The following MROH2B variants were observed in gnomAD, a reference collection of about 807,000 sequenced individuals.
The protein encoded by MROH2B is maestro heat-like repeat-containing protein family member 2B.
A neutral mutation model predicts 208.6 loss-of-function variants in MROH2B; 177 were observed. The observed-to-expected ratio is 0.85, with a 90% CI of 0.75 to 0.96. The LOEUF is 0.96. MROH2B is among the 40% of genes least tolerant of loss of function. MROH2B has a pLI of 0.00. For synonymous variants in MROH2B, 728 were observed against 659.0 expected, an observed-to-expected ratio of 1.10 and a Z score of -1.60; for missense variants, 2,002 against 1,878.7, an observed-to-expected ratio of 1.07 and a Z score of -1.21.
rs374943055 is a variant in MROH2B at position 41,050,024 on chromosome 5, T to C, written c.1345-588A>G. On this transcript the variant is annotated intron_variant, in intron 13 of 41. Transcript: ENST00000399564. ...ACTCTTCTCTCTTCTTTGTCATCTA[T>C]ATTTAATCACCAGACTCAGTCCTTT... 1.9e-4 allele frequency among the ~76,000 whole-genome samples: 29 copies of C among 152,332 alleles called. No individual in the cohort carries two copies. The South Asian group carries it at 5.8e-3, about 30-fold the overall frequency.
At position 41,004,851 on chromosome 5, in the gene MROH2B, C is replaced by T. The variant is rs778947291; in HGVS notation, c.3934G>A (p.Ala1312Thr). The T allele has an allele frequency of 2.5e-6, 4 of 1,614,006 alleles. No homozygotes were observed. The highest frequency in any genetic ancestry group is 3.4e-6 in the Non-Finnish European group (4 of 1,179,876). ...RNVLILMDQS[A>T]WDSNATLRQM... Reference sequence around the variant, plus strand: ...CTCAGAGTGGCGTTGGAGTCCCAGGCACTTTGATCCATCAAGATCAGCACA... The same window carrying T: ...CTCAGAGTGGCGTTGGAGTCCCAGGTACTTTGATCCATCAAGATCAGCACA... The change falls in exon 36 of 42, where the codon GCC (alanine) becomes ACC (threonine). Residue 1312 changes from alanine (A) to threonine (T), a missense_variant. Coordinates refer to ENST00000399564, the MANE Select transcript of MROH2B (RefSeq NM_173489.5).
Position 41,049,129 on chromosome 5 carries a change from G to T in MROH2B, c.1514C>A (p.Ser505Ter). 1 of 1,600,754 alleles carries T rather than the reference G, an allele frequency of 6.2e-7. No individual in the cohort carries two copies. The highest frequency in any genetic ancestry group is 8.5e-7 in the Non-Finnish European group (1 of 1,172,870). ...AAGTCTGGCCAGTAGCTGCTGTGGT[G>T]AAGGAAGTTTCACTAGAAAGAGAAA... ...VVSTGAVKLP[S>*]PQQLLARLLV... The change falls in exon 15 of 42, where the codon TCA becomes TAA. Residue 505 changes from serine (S) to a stop codon, truncating the protein, a stop_gained. Coordinates refer to ENST00000399564, the MANE Select transcript of MROH2B (RefSeq NM_173489.5). LOFTEE classifies it high-confidence loss of function.
Position 41,009,993 on chromosome 5 carries a change from G to C in MROH2B, c.3222C>G (p.Ile1074Met). The C allele has an allele frequency of 6.2e-7, 1 of 1,613,876 alleles. No homozygotes were observed. Among genetic ancestry groups the C allele is most frequent in the South Asian group, 1.1e-5 (1 of 91,072 alleles). Residue 1074 changes from isoleucine (I) to methionine (M), a missense_variant, in exon 31 of 42, where the codon ATC (isoleucine) becomes ATG (methionine). Transcript: ENST00000399564. ...CCATGTGAAAGCTGGCTATCTGGGA[G>C]ATGGCTTCTAGAATGAACTGAAAAC... ...EESFQFILEA[I>M]SQIASFHMDT...
rs191176231 is a variant in MROH2B at position 41,001,069 on chromosome 5, A to G, written c.4195-236T>C. 1.5e-4 allele frequency among the ~76,000 whole-genome samples: 23 copies of G among 152,278 alleles called. 1 individual carries two copies. In the East Asian group the frequency reaches 4.5e-3, roughly 29 times the overall value. ...CTGGGTCTGGGGTTTATGTGATGCC[A>G]GAGAATTGATTTCTGTCTTTGAGTA... On this transcript the variant is annotated intron_variant, in intron 37 of 41. Coordinates refer to ENST00000399564, the MANE Select transcript of MROH2B (RefSeq NM_173489.5).
chr5:41,038,545 GC>G (rs1320453219), intron 21 of MROH2B, among the ~76,000 whole-genome samples, 190 bp downstream of exon 21: 2 of 152,142 alleles, frequency 1.3e-5, no homozygotes, highest in African/African-American at 4.8e-5. Flanking sequence ...CCATGTTGCT[GC>G]AAAACACGTT....
intron 22 of MROH2B, among the ~76,000 whole-genome samples, chr5:41,033,596 T>C (rs1210772838): frequency 6.6e-6 from 1 of 152,128 alleles, no homozygotes; most frequent in Non-Finnish European, 1.5e-5. Flanking sequence ...ACCCAAAGTT[T>C]GAACACCATT....
intron 37 of MROH2B, among the ~76,000 whole-genome samples, chr5:41,002,871 G>C (rs1401152511): frequency 6.6e-6 from 1 of 152,026 alleles, no homozygotes; most frequent in African/African-American, 2.4e-5. Context: ...TTCTGAAGGG[G>C]TGACTTCAGC....
chr5:41,013,331 G>A (rs1741833694), intron 29 of MROH2B, among the ~76,000 whole-genome samples: 1 of 152,160 alleles, frequency 6.6e-6, no homozygotes, highest in Non-Finnish European at 1.5e-5. Flanking sequence ...GGTACAAGAA[G>A]TATACAGAAT....
intron 3 of MROH2B, among the ~76,000 whole-genome samples, chr5:41,066,705 T>C (rs997286836): frequency 2.6e-5 from 4 of 152,222 alleles, no homozygotes; most frequent in Admixed American, 2.6e-4. Flanking sequence ...AAATTACTTC[T>C]ACAAATTATT....
At chr5:41,027,415 G>T (rs999578640) in intron 24 of MROH2B, among the ~76,000 whole-genome samples, 8 of 151,924 alleles carry the variant, frequency 5.3e-5, no homozygotes, top group Non-Finnish European at 7.3e-5. Flanking sequence ...AGACATTTAT[G>T]CAGCCAACAG....
At chr5:41,028,759 C>T (rs905993663) in intron 24 of MROH2B, among the ~76,000 whole-genome samples, 2 of 152,042 alleles carry the variant, frequency 1.3e-5, no homozygotes, top group Admixed American at 6.5e-5. Context: ...GTTAATAATG[C>T]TGCAATAAAT....
chr5:41,049,045 G>T, intron 15 of MROH2B, 56 bp downstream of exon 15: 1 of 1,515,522 alleles, frequency 6.6e-7, no homozygotes, highest in South Asian at 1.2e-5. Flanking sequence ...ATTTGGAACT[G>T]AACTATCCTT....
intron 21 of MROH2B, 98 bp from the exon 22 acceptor site, chr5:41,033,962 T>C: frequency 7.5e-7 from 1 of 1,334,350 alleles, no homozygotes; most frequent in Non-Finnish European, 9.9e-7. Context: ...TGAAGGACAA[T>C]AGTAAAGCAG....
rs1348530395 is a variant in MROH2B at position 40,998,119 on chromosome 5, T to C, written c.4691A>G (p.Gln1564Arg). 2 of 1,612,492 alleles carry C rather than the reference T, an allele frequency of 1.2e-6. No individual in the cohort carries two copies. Among genetic ancestry groups the C allele is most frequent in the Non-Finnish European group, 1.7e-6 (2 of 1,178,798 alleles). Residue 1564 changes from glutamine to arginine, a missense_variant, in exon 42 of 42, where the codon CAG becomes CGG. Coordinates refer to ENST00000399564, the MANE Select transcript of MROH2B (RefSeq NM_173489.5). ...ALRQDPCISV[Q>R]RAAEAALQTL... Reference sequence around the variant, plus strand: ...TTGCAAAGCAGCCTCAGCTGCTCTCTGGACACTAATACACGGATCTTGACG... The same window carrying C: ...TTGCAAAGCAGCCTCAGCTGCTCTCCGGACACTAATACACGGATCTTGACG...
chr5:41,018,526 G>T (rs1401624811), intron 26 of MROH2B, 96 bp from the exon 27 acceptor site: 1 of 1,464,480 alleles, frequency 6.8e-7, no homozygotes, highest in Non-Finnish European at 9.3e-7. Context: ...TTGTAACACG[G>T]TGCTCACCTC....
At chr5:41,053,764 G>GT (rs750706444) in intron 11 of MROH2B, among the ~76,000 whole-genome samples, 2 of 152,058 alleles carry the variant, frequency 1.3e-5, no homozygotes, top group South Asian at 2.1e-4. Flanking sequence ...ACTAGGCCAG[G>GT]TTTTTTTGTA....
At chr5:41,062,824 C>A (rs1743682363) in intron 5 of MROH2B, among the ~76,000 whole-genome samples, 1 of 151,866 alleles carries the variant, frequency 6.6e-6, no homozygotes, top group Non-Finnish European at 1.5e-5. Flanking sequence ...TAGTTTATTT[C>A]TTGGTGTATG....
chr5:41,015,267 G>A (rs1364136484), intron 29 of MROH2B, 114 bp downstream of exon 29: 25 of 844,184 alleles, frequency 3.0e-5, no homozygotes, highest in South Asian at 2.7e-4. Context: ...ACAGGACCAC[G>A]GGTCCCTCAT....
intron 18 of MROH2B, 61 bp downstream of exon 18, chr5:41,045,685 T>G (rs1167193577): frequency 8.0e-7 from 1 of 1,253,360 alleles, no homozygotes; most frequent in Non-Finnish European, 1.2e-6. Context: ...AAGATGGAGC[T>G]AGAGCAGCCA....
Sources: allele counts gnomAD v4.1 joint callset (sites outside exome capture counted in the v4.1 genomes callset), GRCh38; gene constraint gnomAD v4.1.1; transcripts MANE v1.5; gene names NCBI Gene and HGNC (gene_info 2026-07-23, HGNC 2026-07-21).